Variants in ZNF490 observed in about 807,000 individuals in gnomAD.
ZNF490 encodes the protein zinc finger protein 490.
In ZNF490, 11 loss-of-function variants were observed where a neutral mutation model predicts 17.7. The observed-to-expected ratio is 0.62, with a 90% CI of 0.39 to 1.03. The LOEUF is 1.03. Among genes scored for constraint, ZNF490 ranks in the 50% least tolerant of loss-of-function variants. ZNF490 has a pLI of 0.00. For missense variants in ZNF490, 542 were observed against 643.4 expected (o/e 0.84, Z 1.71); for synonymous variants, 222 against 216.1 (o/e 1.03, Z -0.24).
At chr19:12,609,811 T>C (rs987102939) in intron 1 of ZNF490, 5 of 390,810 alleles carry the variant, frequency 1.3e-5, no homozygotes, top group African/African-American at 8.5e-5. Flanking sequence ...AATGGAATAA[T>C]AGACACTGGA....
chr19:12,597,383 T>G (rs2022947662), intron 2 of ZNF490: 1 of 313,346 alleles, frequency 3.2e-6, no homozygotes, highest in African/African-American at 2.2e-5. Context: ...GACCCCTGAG[T>G]GACAGCCATG....
intron 2 of ZNF490, among the ~76,000 whole-genome samples, chr19:12,604,482 T>C (rs1308012677): frequency 2.0e-5 from 3 of 151,950 alleles, no homozygotes; most frequent in African/African-American, 4.8e-5. Flanking sequence ...AAACCCTGCC[T>C]CTACTAAAAA....
chr19:12,598,683 C>G (rs542712199), intron 2 of ZNF490, among the ~76,000 whole-genome samples: 104 of 149,686 alleles, frequency 6.9e-4, no homozygotes, highest in African/African-American at 2.5e-3. Context: ...GTCAATAATT[C>G]TCCCTTTTTA....
chr19:12,581,019 G>GT lies in ZNF490; in HGVS notation c.1055dup (p.His352GlnfsTer14), dbSNP rs767516361. 1.2e-6 allele frequency: 2 copies of GT among 1,614,092 alleles called. No homozygotes were observed. The highest frequency in any genetic ancestry group is 1.7e-6 in the Non-Finnish European group (2 of 1,180,010). ...GTTGAACTCCGGTGTGGGTTTTCAC[G>GT]TGTTTTCGAAGGCTTGAGTGAGAAA... is the stretch of plus-strand genomic sequence containing the variant. On this transcript the variant is annotated frameshift_variant, in exon 5 of 5. Transcript: ENST00000311437. LOFTEE classifies it low-confidence loss of function (END_TRUNC).
rs74777066 is a variant in ZNF490, at chr19:12,609,210, G to A, written c.118-8C>T. On this transcript the variant is annotated splice_region_variant and splice_polypyrimidine_tract_variant and intron_variant, in intron 1 of 4. Coordinates refer to ENST00000311437, the MANE Select transcript of ZNF490 (RefSeq NM_020714.3). ...GTGTTCACTGTTCTGCATCTAATTA[G>A]AAACAAGAGGATGCATTTTGTGAGT... 73,657 of 1,613,104 alleles carry A rather than the reference G, an allele frequency of 0.046. 1,959 individuals are homozygous for A. Among genetic ancestry groups the A allele is most frequent in the Non-Finnish European group, 0.053 (62,438 of 1,179,208 alleles).
intron 2 of ZNF490, among the ~76,000 whole-genome samples, chr19:12,597,954 G>A (rs1951898872): frequency 6.6e-6 from 1 of 152,134 alleles, no homozygotes; most frequent in Non-Finnish European, 1.5e-5. Context: ...GGCCGGGTGC[G>A]GAGGCTCTCG....
In ZNF490 at chr19:12,577,871, T is replaced by TCTTCTAAAA. The variant is rs1568276320; in HGVS notation, c.*2613_*2614insTTTTAGAAG. The TCTTCTAAAA allele has an allele frequency of 3.1e-5, 31 of 985,390 alleles. 1 individual carries two copies. In the African/African-American group the frequency reaches 4.7e-4, roughly 15 times the overall value. The allele number at this position is 985,390 out of a possible 1,614,324, so 61.0% of individuals were successfully genotyped here. On this transcript the variant is annotated 3_prime_UTR_variant, in exon 5 of 5. Coordinates refer to ENST00000311437, the MANE Select transcript of ZNF490 (RefSeq NM_020714.3). Reference sequence around the variant, plus strand: ...CACCTCCCTTCTAAAACACACTGACTTGCTAAGAAAAGGGGGGACTGACTC... The same window carrying TCTTCTAAAA: ...CACCTCCCTTCTAAAACACACTGACTCTTCTAAAATGCTAAGAAAAGGGGGGACTGACTC...
intron 2 of ZNF490, among the ~76,000 whole-genome samples, chr19:12,600,668 C>A (rs993724455): frequency 2.0e-5 from 3 of 152,090 alleles, no homozygotes; most frequent in Non-Finnish European, 4.4e-5. Context: ...TTAGCTATGG[C>A]TACCCTAAAA....
intron 2 of ZNF490, among the ~76,000 whole-genome samples, chr19:12,591,592 GAGA>G (rs1179999452): frequency 5.3e-5 from 8 of 152,078 alleles, no homozygotes; most frequent in African/African-American, 1.9e-4. Context: ...CACATCACCA[GAGA>G]AGATTTAGAG....
Position 12,610,729 on chromosome 19 carries a change from C to T in ZNF490, c.-49G>A, listed in dbSNP as rs368098713. The T allele has an allele frequency of 3.8e-5, 59 of 1,563,686 alleles. 1 individual carries two copies. In the South Asian group the frequency reaches 6.0e-4, roughly 16 times the overall value. ...CTGCAGGAAGACTTCCGTGTCCGACCCGAGATCCGGAACAATTTCTGCTTC... is the reference window on the plus strand; with the variant it reads ...CTGCAGGAAGACTTCCGTGTCCGACTCGAGATCCGGAACAATTTCTGCTTC... On this transcript the variant is annotated 5_prime_UTR_variant, in exon 1 of 5. Coordinates refer to ENST00000311437, the MANE Select transcript of ZNF490 (RefSeq NM_020714.3).
At position 12,577,810 on chromosome 19, in the gene ZNF490, G is replaced by A. The variant is rs766923817; in HGVS notation, c.*2675C>T. The A allele has an allele frequency of 6.9e-5, 68 of 985,512 alleles. 1 individual carries two copies. The highest frequency in any genetic ancestry group is 6.8e-4 in the East Asian group (6 of 8,812). The allele number at this position is 985,512 out of a possible 1,614,324, so 61.0% of individuals were successfully genotyped here. A position where few individuals can be genotyped will look rare whatever the true frequency, so the allele number is the denominator to read the frequency against. On this transcript the variant is annotated 3_prime_UTR_variant, in exon 5 of 5. Coordinates refer to ENST00000311437, the MANE Select transcript of ZNF490 (RefSeq NM_020714.3). ...ACCCACCCAGGGAGACTGTTGTTAC[G>A]AGGGTGGATGGTGACCTGGTTTCCC... is the stretch of plus-strand genomic sequence containing the variant.
chr19:12,606,480 G>A (rs929490579), intron 2 of ZNF490, among the ~76,000 whole-genome samples: 14 of 151,692 alleles, frequency 9.2e-5, no homozygotes, highest in African/African-American at 3.4e-4. Context: ...GAGTAGCTGG[G>A]ACTACAGGTG....
chr19:12,576,687 C>T lies in ZNF490; in HGVS notation c.*3798G>A, dbSNP rs547686360. Among the ~76,000 whole-genome samples, 14 of 151,634 alleles carry T rather than the reference C, an allele frequency of 9.2e-5. No homozygotes were observed. The highest frequency in any genetic ancestry group is 4.2e-4 in the South Asian group (2 of 4,816). ...AAAAATTTAGCTGGTTGTGGTGGCA[C>T]GCGCCTATAGTCCCAGCTACTCAGG... On this transcript the variant is annotated 3_prime_UTR_variant, in exon 5 of 5. Coordinates refer to ENST00000311437, the MANE Select transcript of ZNF490 (RefSeq NM_020714.3).
At chr19:12,610,434 A>G (rs1210900152) in intron 1 of ZNF490, 130 bp downstream of exon 1, 1 of 801,752 alleles carries the variant, frequency 1.2e-6, no homozygotes, top group East Asian at 2.5e-5. Flanking sequence ...TGGACGCCTC[A>G]ACGCTGTTAT....
chr19:12,594,601 A>G (rs1010270222), intron 2 of ZNF490, among the ~76,000 whole-genome samples: 2 of 152,318 alleles, frequency 1.3e-5, no homozygotes, highest in African/African-American at 4.8e-5. Flanking sequence ...AATGATGACC[A>G]ATTTGCAAGT....
Position 12,580,838 on chromosome 19 carries a change from T to C in ZNF490, c.1237A>G (p.Thr413Ala), listed in dbSNP as rs750370813. Residue 413 changes from threonine (T) to alanine (A), a missense_variant, in exon 5 of 5, where the codon ACT (threonine) becomes GCT (alanine). Thr to Ala is a moderately conservative substitution (Grantham distance 58, BLOSUM62 0). Coordinates refer to ENST00000311437, the MANE Select transcript of ZNF490 (RefSeq NM_020714.3). ...SYLQLHERVH[T>A]GEKTYECKEC... Reference sequence around the variant, plus strand: ...TTACATTCGTAAGTTTTCTCGCCAGTGTGAACTCTTTCGTGCAACTGAAGG... The same window carrying C: ...TTACATTCGTAAGTTTTCTCGCCAGCGTGAACTCTTTCGTGCAACTGAAGG... 6.2e-7 allele frequency: 1 copy of C among 1,614,166 alleles called. No individual in the cohort carries two copies. The highest frequency in any genetic ancestry group is 1.7e-5 in the Admixed American group (1 of 59,990).
intron 2 of ZNF490, chr19:12,597,376 C>T (rs1353305548): frequency 1.3e-5 from 4 of 310,834 alleles, no homozygotes; most frequent in Non-Finnish European, 2.6e-5. Context: ...GCCCCCTGAC[C>T]CCTGAGTGAC....
chr19:12,602,041 C>T (rs573392712), intron 2 of ZNF490, among the ~76,000 whole-genome samples: 10 of 150,404 alleles, frequency 6.6e-5, no homozygotes, highest in Admixed American at 4.7e-4. Context: ...TATTATTTCC[C>T]GATTCCTGGC....
intron 1 of ZNF490, 128 bp from the exon 2 acceptor site, chr19:12,609,330 A>G: frequency 1.4e-6 from 1 of 733,334 alleles, no homozygotes; most frequent in Non-Finnish European, 2.3e-6. Context: ...AGAAGGGTGG[A>G]TCATGGGAGT....
Sources: allele counts gnomAD v4.1 joint callset (sites outside exome capture counted in the v4.1 genomes callset), GRCh38; gene constraint gnomAD v4.1.1; transcripts MANE v1.5; gene names NCBI Gene and HGNC (gene_info 2026-07-23, HGNC 2026-07-21).